Variants in DOCK4 observed in about 807,000 individuals in gnomAD.
DOCK4 encodes the protein dedicator of cytokinesis protein 4.
In DOCK4, 97 loss-of-function variants were observed where a neutral mutation model predicts 268.1. The ratio of observed to expected loss-of-function variants is 0.36; its 90% CI spans 0.31 to 0.43. The LOEUF (loss-of-function observed/expected upper bound fraction) is 0.43, where lower values mean the gene tolerates loss of function less well. Ranked by LOEUF, DOCK4 falls within the 20% of genes least tolerant of loss-of-function variation. The pLI is 1.00. For missense variants in DOCK4, 2,145 were observed against 2,455.7 expected (o/e 0.87, Z 2.67); for synonymous variants, 954 against 887.2 (o/e 1.08, Z -1.34).
At chr7:112,163,850 G>A (rs1442692036) in intron 1 of DOCK4, among the ~76,000 whole-genome samples, 1 of 152,138 alleles carries the variant, frequency 6.6e-6, no homozygotes, top group African/African-American at 2.4e-5. Flanking sequence ...AGTTAGAACT[G>A]CAAGGGGCTA....
rs557400137 is a variant in DOCK4, at chr7:111,970,328, G to GAAAA, written c.701+6800_701+6803dup. 3.8e-3 allele frequency among the ~76,000 whole-genome samples: 575 copies of GAAAA among 149,878 alleles called. 3 individuals are homozygous for GAAAA. The highest frequency in any genetic ancestry group is 0.014 in the African/African-American group (549 of 40,626). ...CCTTGGGCAAGTTATTAAAAAAAAA[G>GAAAA]AAAAAAAAACTCTCCGTGCCTCAGT... On this transcript the variant is annotated intron_variant, in intron 8 of 52. Coordinates refer to ENST00000428084, the MANE Select transcript of DOCK4 (RefSeq NM_001363540.2).
chr7:111,828,314 G>A (rs75796171), intron 26 of DOCK4, among the ~76,000 whole-genome samples: 1,636 of 152,262 alleles, frequency 0.011, 32 homozygotes, highest in African/African-American at 0.037. Context: ...AGGACACAGG[G>A]GAAGAAGTGG....
At chr7:112,103,737 C>T (rs924643786) in intron 1 of DOCK4, among the ~76,000 whole-genome samples, 5 of 152,066 alleles carry the variant, frequency 3.3e-5, no homozygotes, top group Non-Finnish European at 4.4e-5. Context: ...CAAAAATTAG[C>T]CAGGCATGGT....
At chr7:112,092,882 G>A (rs535830498) in intron 1 of DOCK4, among the ~76,000 whole-genome samples, 1 of 152,178 alleles carries the variant, frequency 6.6e-6, no homozygotes, top group Admixed American at 6.5e-5. Flanking sequence ...ACCTCAGGAT[G>A]TCAGAAAGGT....
intron 5 of DOCK4, among the ~76,000 whole-genome samples, chr7:111,990,109 G>A (rs1414648865): frequency 6.6e-6 from 1 of 152,090 alleles, no homozygotes; most frequent in African/African-American, 2.4e-5. Context: ...CTACTTCTCA[G>A]GGTTGTTGTG....
intron 30 of DOCK4, among the ~76,000 whole-genome samples, chr7:111,792,611 G>A (rs994517810): frequency 2.6e-5 from 4 of 152,122 alleles, no homozygotes; most frequent in African/African-American, 9.7e-5. Context: ...TTGAACTCCT[G>A]ACCTCAGGTG....
chr7:111,834,602 T>G lies in DOCK4; in HGVS notation c.2821A>C (p.Lys941Gln). ...YQQLLDSFNTKEELRDFLLQI... is the reference protein window; with the variant it reads ...YQQLLDSFNTQEELRDFLLQI... The stretch of plus-strand genomic sequence containing the variant: ...ATGTCACTTACCCTTAGTTCTTCCT[T>G]TGTATTAAAACTATCAAGAAGCTGT... Residue 941 changes from lysine (K) to glutamine (Q), a missense_variant, in exon 26 of 53, where the codon AAG becomes CAG. Physicochemically the swap from Lys to Gln is moderately conservative, Grantham distance 53. Coordinates refer to ENST00000428084, the MANE Select transcript of DOCK4 (RefSeq NM_001363540.2). The G allele has an allele frequency of 1.3e-6, 2 of 1,549,002 alleles. No homozygotes were observed. The highest frequency in any genetic ancestry group is 1.7e-6 in the Non-Finnish European group (2 of 1,146,088).
intron 30 of DOCK4, among the ~76,000 whole-genome samples, chr7:111,800,197 A>G (rs1800168701): frequency 6.6e-6 from 1 of 151,498 alleles, no homozygotes. Context: ...ATATAAGGAA[A>G]GATTTTGTAT....
intron 30 of DOCK4, among the ~76,000 whole-genome samples, chr7:111,799,961 A>T (rs961798992): frequency 6.6e-6 from 1 of 152,210 alleles, no homozygotes; most frequent in Non-Finnish European, 1.5e-5. Flanking sequence ...TTCTGGTTGT[A>T]AAATTCTAAT....
At chr7:112,076,103 G>C (rs895203189) in intron 1 of DOCK4, among the ~76,000 whole-genome samples, 4 of 152,084 alleles carry the variant, frequency 2.6e-5, no homozygotes, top group Non-Finnish European at 5.9e-5. Flanking sequence ...AATATTTTCA[G>C]GTAGCCATTT....
intron 1 of DOCK4, among the ~76,000 whole-genome samples, chr7:112,081,133 T>C (rs1275771778): frequency 6.6e-6 from 1 of 151,772 alleles, no homozygotes; most frequent in African/African-American, 2.4e-5. Flanking sequence ...CGGGTAGTGG[T>C]GCAAAAAGCC....
intron 1 of DOCK4, among the ~76,000 whole-genome samples, chr7:112,158,592 T>C (rs1187133401): frequency 6.6e-6 from 1 of 152,218 alleles, no homozygotes; most frequent in Non-Finnish European, 1.5e-5. Flanking sequence ...GGGCAATCAA[T>C]GCTGTTAAAA....
At chr7:111,925,456 T>A (rs1171035843) in intron 12 of DOCK4, among the ~76,000 whole-genome samples, 1 of 152,094 alleles carries the variant, frequency 6.6e-6, no homozygotes, top group African/African-American at 2.4e-5. Flanking sequence ...GACAATACTA[T>A]CGGAAAATGA....
Position 111,728,253 on chromosome 7 carries a change from G to A in DOCK4, c.*21C>T, listed in dbSNP as rs1171013972. 3.4e-6 allele frequency: 5 copies of A among 1,452,694 alleles called. No individual in the cohort carries two copies. In the South Asian group the frequency reaches 6.5e-5, roughly 19 times the overall value. The allele number at this position is 1,452,694 out of a possible 1,614,324, so 90.0% of individuals were successfully genotyped here. On this transcript the variant is annotated 3_prime_UTR_variant, in exon 53 of 53. Transcript: ENST00000428084. ...TTTGTAAACGGGCAAAGAATGCATC[G>A]CAGGTACATAGAAAAGTGACTTATA...
intron 52 of DOCK4, among the ~76,000 whole-genome samples, chr7:111,731,275 C>T (rs1208411587): frequency 6.6e-6 from 1 of 152,112 alleles, no homozygotes; most frequent in Non-Finnish European, 1.5e-5. Context: ...GTTGTTTTCC[C>T]GTTTCTCAAT....
chr7:112,082,881 A>T (rs10487339), intron 1 of DOCK4, among the ~76,000 whole-genome samples: 16,669 of 152,124 alleles, frequency 0.11, 2,798 homozygotes, highest in African/African-American at 0.36. Context: ...CTTAGCTAGA[A>T]ATAAATTTTA....
At chr7:112,105,569 T>TAA (rs11371769) in intron 1 of DOCK4, among the ~76,000 whole-genome samples, 14,071 of 147,856 alleles carry the variant, frequency 0.095, 1,428 homozygotes, top group African/African-American at 0.26. Context: ...ACAACAAATC[T>TAA]AAAAAAAAAA....
At position 111,940,007 on chromosome 7, in the gene DOCK4, C is replaced by T. The variant is rs1184950958; in HGVS notation, c.977+103G>A. On this transcript the variant is annotated intron_variant, in intron 11 of 52. Transcript: ENST00000428084. ...GGTTTTTGAGGAATGGCTCATAAACCACCCATTGTTCTTCTCTACCCACCT... is the reference window on the plus strand; with the variant it reads ...GGTTTTTGAGGAATGGCTCATAAACTACCCATTGTTCTTCTCTACCCACCT... 6 of 1,197,190 alleles carry T rather than the reference C, an allele frequency of 5.0e-6. No individual in the cohort carries two copies. In the Admixed American group the frequency reaches 1.2e-4, roughly 23 times the overall value. The allele number at this position is 1,197,190 out of a possible 1,614,324, so 74.2% of individuals were successfully genotyped here.
intron 1 of DOCK4, among the ~76,000 whole-genome samples, chr7:112,137,996 C>T (rs187005824): frequency 1.5e-3 from 228 of 152,302 alleles, no homozygotes; most frequent in African/African-American, 5.2e-3. Flanking sequence ...CAATCATCAT[C>T]ATCATCCACC....
Sources: allele counts gnomAD v4.1 joint callset (sites outside exome capture counted in the v4.1 genomes callset), GRCh38; gene constraint gnomAD v4.1.1; transcripts MANE v1.5; gene names NCBI Gene and HGNC (gene_info 2026-07-23, HGNC 2026-07-21).